FMNL2: variants seen among roughly 807,000 people sequenced by gnomAD.
FMNL2 encodes formin-like protein 2.
A neutral mutation model predicts 130.2 loss-of-function variants in FMNL2; 51 were observed. That is an observed-to-expected ratio of 0.39 (90% CI 0.31 to 0.49). FMNL2 has a LOEUF of 0.49. Ranked by LOEUF, FMNL2 falls within the 20% of genes least tolerant of loss-of-function variation. FMNL2 has a pLI of 0.85. For missense variants in FMNL2, 977 were observed against 1,316.2 expected (o/e 0.74, Z 3.99); for synonymous variants, 465 against 467.1 (o/e 1.00, Z 0.06).
At chr2:152,539,487 C>T (rs564897382) in intron 2 of FMNL2, 2 of 152,320 alleles carry the variant, frequency 1.3e-5, no homozygotes, top group East Asian at 3.9e-4. Flanking sequence ...AATGGCCCCA[C>T]CTGAGTTTTC....
intron 1 of FMNL2, among the ~76,000 whole-genome samples, chr2:152,362,388 T>A (rs906579869): frequency 1.3e-5 from 2 of 152,240 alleles, no homozygotes; most frequent in African/African-American, 2.4e-5. Flanking sequence ...TTGCTGAAAC[T>A]TTTAAATCAC....
intron 25 of FMNL2, among the ~76,000 whole-genome samples, chr2:152,645,751 G>C (rs1683497908): frequency 6.6e-6 from 1 of 152,116 alleles, no homozygotes; most frequent in Non-Finnish European, 1.5e-5. Context: ...GATTGTATTT[G>C]CTTTGAGTGT....
At chr2:152,574,189 G>A (rs758733547) in intron 6 of FMNL2, among the ~76,000 whole-genome samples, 3 of 152,188 alleles carry the variant, frequency 2.0e-5, no homozygotes, top group Non-Finnish European at 2.9e-5. Context: ...TGTAACCCCA[G>A]CACTTCGGGA....
At chr2:152,394,270 T>C (rs1685277472) in intron 1 of FMNL2, among the ~76,000 whole-genome samples, 1 of 152,170 alleles carries the variant, frequency 6.6e-6, no homozygotes, top group Admixed American at 6.5e-5. Context: ...TTTTAAAGAA[T>C]TCGCTTTTAT....
intron 1 of FMNL2, among the ~76,000 whole-genome samples, chr2:152,369,979 T>C (rs1579500066): frequency 1.3e-5 from 2 of 152,162 alleles, no homozygotes; most frequent in Admixed American, 6.5e-5. Context: ...GAATAGGGTA[T>C]GAAGCCTATA....
chr2:152,615,516 A>C (rs1243754925), intron 12 of FMNL2, among the ~76,000 whole-genome samples: 1 of 152,166 alleles, frequency 6.6e-6, no homozygotes, highest in African/African-American at 2.4e-5. Context: ...TTTCTCATAT[A>C]TCCTGTTCTT....
chr2:152,611,352 A>G, intron 10 of FMNL2, 143 bp from the exon 11 acceptor site: 1 of 536,000 alleles, frequency 1.9e-6, no homozygotes, highest in Non-Finnish European at 3.3e-6. Context: ...AAAAAACCAT[A>G]TATATATTTT....
chr2:152,463,807 T>C (rs1689376178), intron 1 of FMNL2, among the ~76,000 whole-genome samples: 1 of 152,212 alleles, frequency 6.6e-6, no homozygotes, highest in Non-Finnish European at 1.5e-5. Context: ...TGAAATGAGT[T>C]AGTTTATAAT....
chr2:152,453,938 G>T (rs1332181791), intron 1 of FMNL2, among the ~76,000 whole-genome samples: 1 of 152,136 alleles, frequency 6.6e-6, no homozygotes, highest in Non-Finnish European at 1.5e-5. Flanking sequence ...GATACCTCAG[G>T]TATTGTATTG....
chr2:152,374,936 C>T (rs929386815), intron 1 of FMNL2, among the ~76,000 whole-genome samples: 1 of 152,128 alleles, frequency 6.6e-6, no homozygotes. Flanking sequence ...GTATTTTGTC[C>T]CTGCTCCCTG....
intron 9 of FMNL2, among the ~76,000 whole-genome samples, chr2:152,581,665 G>A (rs903308692): frequency 1.3e-5 from 2 of 152,120 alleles, no homozygotes; most frequent in African/African-American, 2.4e-5. Flanking sequence ...AAACATCACC[G>A]CCTAGATAGT....
chr2:152,522,279 GC>G (rs1361278419), intron 2 of FMNL2, among the ~76,000 whole-genome samples: 6 of 152,320 alleles, frequency 3.9e-5, no homozygotes, highest in South Asian at 2.1e-4. Context: ...TGACTGAGAT[GC>G]TTCCAAGAAA....
chr2:152,483,049 T>A (rs1213366590), intron 1 of FMNL2, among the ~76,000 whole-genome samples: 1 of 152,170 alleles, frequency 6.6e-6, no homozygotes, highest in Non-Finnish European at 1.5e-5. Context: ...TCCCTTCCCA[T>A]GTAAAATTTT....
In FMNL2 at chr2:152,628,538, G is replaced by A. The variant is rs1681953241; in HGVS notation, c.2400+5G>A. 3.1e-6 allele frequency: 5 copies of A among 1,611,506 alleles called. No homozygotes were observed. The highest frequency in any genetic ancestry group is 1.3e-5 in the African/African-American group (1 of 74,860). On this transcript the variant is annotated splice_donor_5th_base_variant and intron_variant, in intron 18 of 25. Coordinates refer to ENST00000288670, the MANE Select transcript of FMNL2 (RefSeq NM_052905.4). Reference sequence around the variant, plus strand: ...AGCATTCAGATGCTGACTCCTGTGAGTGGACTGACTCTGGCAGGGGAGGGG... The same window carrying A: ...AGCATTCAGATGCTGACTCCTGTGAATGGACTGACTCTGGCAGGGGAGGGG...
intron 1 of FMNL2, among the ~76,000 whole-genome samples, chr2:152,436,624 A>G (rs968945869): frequency 1.3e-5 from 2 of 152,124 alleles, no homozygotes; most frequent in African/African-American, 2.4e-5. Flanking sequence ...CTCTGAATCT[A>G]GCTGGCCTAT....
At chr2:152,590,537 C>T (rs556245946) in intron 9 of FMNL2, among the ~76,000 whole-genome samples, 1 of 152,018 alleles carries the variant, frequency 6.6e-6, no homozygotes, top group Admixed American at 6.6e-5. Context: ...TCGCTTGAAC[C>T]TGGGAGGCAG....
At chr2:152,403,326 G>A (rs1294333322) in intron 1 of FMNL2, among the ~76,000 whole-genome samples, 1 of 152,078 alleles carries the variant, frequency 6.6e-6, no homozygotes, top group African/African-American at 2.4e-5. Flanking sequence ...CACTTGAGGA[G>A]TGGGATGTTG....
At chr2:152,363,667 T>G (rs974181131) in intron 1 of FMNL2, among the ~76,000 whole-genome samples, 5 of 152,130 alleles carry the variant, frequency 3.3e-5, no homozygotes, top group African/African-American at 1.2e-4. Flanking sequence ...GTTCAAGTGA[T>G]TCTCCTGCCC....
intron 9 of FMNL2, among the ~76,000 whole-genome samples, chr2:152,589,224 G>T (rs950705431): frequency 6.6e-6 from 1 of 151,778 alleles, no homozygotes; most frequent in African/African-American, 2.4e-5. Flanking sequence ...ACTTTAATTA[G>T]ACCCCTTCTG....
Sources: gnomAD v4.1 joint callset for allele counts (sites outside exome capture counted in the v4.1 genomes callset) on GRCh38, gnomAD v4.1.1 for gene constraint, MANE v1.5 for transcripts, NCBI Gene and HGNC (gene_info 2026-07-23, HGNC 2026-07-21) for gene names.